SYNE1: variants seen among roughly 807,000 people sequenced by gnomAD.
SYNE1 encodes spectrin repeat containing nuclear envelope protein 1.
Under a neutral mutation model 1,111.0 loss-of-function variants are expected in SYNE1, and 616 were observed. The ratio of observed to expected loss-of-function variants is 0.55; its 90% CI spans 0.52 to 0.59. The LOEUF is 0.59. Ranked by LOEUF, SYNE1 falls within the 20% of genes least tolerant of loss-of-function variation. SYNE1 has a pLI of 0.00. For synonymous variants in SYNE1, 3,855 were observed against 3,825.8 expected (o/e 1.01, Z -0.28); for missense variants, 10,006 against 10,417.0 (o/e 0.96, Z 1.72).
intron 95 of SYNE1, among the ~76,000 whole-genome samples, chr6:152,286,566 T>G (rs541336698): frequency 6.6e-6 from 1 of 152,238 alleles, no homozygotes; most frequent in South Asian, 2.1e-4. Flanking sequence ...GTAATTTTAA[T>G]TTCCATTTCC....
chr6:152,373,862 T>C (rs2097231965), intron 58 of SYNE1, among the ~76,000 whole-genome samples: 1 of 152,120 alleles, frequency 6.6e-6, no homozygotes, highest in South Asian at 2.1e-4. Flanking sequence ...TAGTTCCATA[T>C]AGTTGGTGGA....
chr6:152,409,454 C>A, intron 43 of SYNE1, 105 bp downstream of exon 43: 1 of 1,458,208 alleles, frequency 6.9e-7, no homozygotes, highest in South Asian at 1.2e-5. Flanking sequence ...GCATGAATTA[C>A]CCACATCTAA....
At chr6:152,171,078 G>A (rs1372196602) in intron 130 of SYNE1, among the ~76,000 whole-genome samples, 2 of 152,212 alleles carry the variant, frequency 1.3e-5, no homozygotes, top group East Asian at 3.8e-4. Context: ...GTGGAACTGT[G>A]AGTCCATTAA....
chr6:152,436,100 TC>T lies in SYNE1; in HGVS notation c.4150del (p.Glu1384SerfsTer17). The T allele has an allele frequency of 1.9e-6, 3 of 1,613,466 alleles. No individual in the cohort carries two copies. Among genetic ancestry groups the T allele is most frequent in the Non-Finnish European group, 1.7e-6 (2 of 1,179,872 alleles). ...SLSSELEQTK[E>X]FSKRTESIAV... ...AATACTTTCTGTCCGTTTAGAAAACTCCTAGAAAAAATATTATGATCATTAG... is the reference window on the plus strand; with the variant it reads ...AATACTTTCTGTCCGTTTAGAAAACTCTAGAAAAAATATTATGATCATTAG... On this transcript the variant is annotated frameshift_variant and splice_region_variant, in exon 33 of 146. Coordinates refer to ENST00000367255, the MANE Select transcript of SYNE1 (RefSeq NM_182961.4). LOFTEE classifies it high-confidence loss of function.
intron 3 of SYNE1, among the ~76,000 whole-genome samples, chr6:152,604,986 AAGAAAGAAAGAAAGAAAGAAAG>A (rs1258258163): frequency 0.016 from 433 of 26,682 alleles, 1 homozygote; most frequent in African/African-American, 0.039. Context: ...GAAAGAAAGA[AAGAAAGAAAGAAAGAAAGAAAG>A]AGAGAGAGAG....
intron 4 of SYNE1, 66 bp from the exon 5 acceptor site, chr6:152,526,241 T>C: frequency 6.7e-7 from 1 of 1,500,704 alleles, no homozygotes; most frequent in African/African-American, 1.4e-5. Context: ...TCTTTCTCTC[T>C]CTCACCTTTG....
intron 11 of SYNE1, among the ~76,000 whole-genome samples, chr6:152,491,337 C>T (rs541287220): frequency 7.8e-4 from 118 of 152,252 alleles, no homozygotes; most frequent in African/African-American, 2.5e-3. Flanking sequence ...ATTGTGGAGA[C>T]GCCTGCTTTG....
At chr6:152,463,655 A>G in intron 18 of SYNE1, 138 bp from the exon 19 acceptor site, 4 of 812,772 alleles carry the variant, frequency 4.9e-6, no homozygotes, top group South Asian at 3.1e-5. Flanking sequence ...TCTCTTTAAA[A>G]TGCACATTTT....
chr6:152,376,783 A>G lies in SYNE1; in HGVS notation c.9139T>C (p.Tyr3047His). 6.2e-7 allele frequency: 1 copy of G among 1,613,824 alleles called. No homozygotes were observed. Residue 3047 changes from tyrosine (Y) to histidine (H), a missense_variant, in exon 57 of 146, where the codon TAT (tyrosine) becomes CAT (histidine). Physicochemically the swap from Tyr to His is moderately conservative, Grantham distance 83. Transcript: ENST00000367255. The part of the protein sequence containing the change: ...SGKVSGLIKE[Y>H]NCLCLQASKG... ...AATAAGGTTCATGCTCACCAATTATACTCTTTAATCAAGCCAGAAACTTTT... is the reference window on the plus strand; with the variant it reads ...AATAAGGTTCATGCTCACCAATTATGCTCTTTAATCAAGCCAGAAACTTTT...
Position 152,132,138 on chromosome 6 carries a change from G to T in SYNE1, c.26078C>A (p.Pro8693Gln), listed in dbSNP as rs147829200. The change falls in exon 144 of 146, where the codon CCA becomes CAA. Residue 8693 changes from proline (P) to glutamine (Q), a missense_variant. Pro to Gln is a moderately conservative substitution (Grantham distance 76). Coordinates refer to ENST00000367255, the MANE Select transcript of SYNE1 (RefSeq NM_182961.4). Reference sequence around the variant, plus strand: ...GAAAGTTACCGTTTTCTGTCTGTTTGGGGTGCTCCTTCCTGATGTGGGACT... The same window carrying T: ...GAAAGTTACCGTTTTCTGTCTGTTTTGGGTGCTCCTTCCTGATGTGGGACT... ...SVSPTSGRST[P>Q]NRQKTPRGKC... 1.4e-5 allele frequency: 22 copies of T among 1,613,936 alleles called. No homozygotes were observed. The highest frequency in any genetic ancestry group is 1.8e-5 in the Non-Finnish European group (21 of 1,179,970).
At chr6:152,289,728 G>A (rs749008757) in intron 95 of SYNE1, among the ~76,000 whole-genome samples, 1 of 152,152 alleles carries the variant, frequency 6.6e-6, no homozygotes, top group Non-Finnish European at 1.5e-5. Context: ...CCAGGTTCAC[G>A]TCATTCTCCT....
chr6:152,383,794 T>C (rs1591601396), intron 55 of SYNE1, among the ~76,000 whole-genome samples: 1 of 152,292 alleles, frequency 6.6e-6, no homozygotes, highest in East Asian at 1.9e-4. Context: ...TGAAATTCAG[T>C]CTTGAATTTA....
In SYNE1 at chr6:152,384,490, G is replaced by A. The variant is rs2097489096; in HGVS notation, c.8652+1184C>T. Among the ~76,000 whole-genome samples, 3 of 152,060 alleles carry A rather than the reference G, an allele frequency of 2.0e-5. No individual in the cohort carries two copies. In the South Asian group the frequency reaches 6.2e-4, roughly 32 times the overall value. ...TTTTAAAGAATAACACACAAAAAAA[G>A]GACTTAAAAAGTGGTTTTATGTGAT... On this transcript the variant is annotated intron_variant, in intron 55 of 145. Transcript: ENST00000367255.
At chr6:152,437,097 G>A (rs2098480818) in intron 32 of SYNE1, among the ~76,000 whole-genome samples, 1 of 152,054 alleles carries the variant, frequency 6.6e-6, no homozygotes, top group East Asian at 1.9e-4. Context: ...GCTGCAGTGA[G>A]CAGGCATAAT....
intron 16 of SYNE1, 99 bp downstream of exon 16, chr6:152,471,498 T>A: frequency 8.1e-7 from 1 of 1,227,662 alleles, no homozygotes; most frequent in East Asian, 2.3e-5. Context: ...TATCTTTATG[T>A]TTAAATTCAA....
chr6:152,429,434 A>T (rs781748686), intron 36 of SYNE1, among the ~76,000 whole-genome samples: 8 of 152,194 alleles, frequency 5.3e-5, no homozygotes, highest in Non-Finnish European at 1.0e-4. Flanking sequence ...TATTCTCATT[A>T]TCAATATTTA....
At position 152,215,064 on chromosome 6, in the gene SYNE1, G is replaced by C. The variant is rs1431600968; in HGVS notation, c.22192-4C>G. On this transcript the variant is annotated splice_region_variant and splice_polypyrimidine_tract_variant and intron_variant, in intron 121 of 145. Coordinates refer to ENST00000367255, the MANE Select transcript of SYNE1 (RefSeq NM_182961.4). Reference sequence around the variant, plus strand: ...TGCTGAATTTTAACATCTGTCCCTAGAAGGAAGATTTAAAAGTAGGTTTAG... The same window carrying C: ...TGCTGAATTTTAACATCTGTCCCTACAAGGAAGATTTAAAAGTAGGTTTAG... The C allele has an allele frequency of 3.7e-6, 6 of 1,613,954 alleles. No individual in the cohort carries two copies. The highest frequency in any genetic ancestry group is 5.1e-6 in the Non-Finnish European group (6 of 1,179,962).
chr6:152,372,912 T>C lies in SYNE1; in HGVS notation c.9507+125A>G, dbSNP rs182189536. ...TTACTGTTAGCCCATTGTCTTCTTA[T>C]GTTCTGAGAGGGGTAACCAAAATCA... On this transcript the variant is annotated intron_variant, in intron 59 of 145. Coordinates refer to ENST00000367255, the MANE Select transcript of SYNE1 (RefSeq NM_182961.4). 6.1e-4 allele frequency: 616 copies of C among 1,009,216 alleles called. 3 individuals carry two copies. The African/African-American group carries it at 8.1e-3, about 13-fold the overall frequency. The allele number at this position is 1,009,216 out of a possible 1,614,324, so 62.5% of individuals were successfully genotyped here.
chr6:152,262,102 C>T lies in SYNE1; in HGVS notation c.18902G>A (p.Ser6301Asn). The T allele has an allele frequency of 6.2e-7, 1 of 1,613,886 alleles. No homozygotes were observed. Among genetic ancestry groups the T allele is most frequent in the South Asian group, 1.1e-5 (1 of 91,086 alleles). The change falls in exon 101 of 146, where the codon AGC (serine) becomes AAC (asparagine). Residue 6301 changes from serine (S) to asparagine (N), a missense_variant. Coordinates refer to ENST00000367255, the MANE Select transcript of SYNE1 (RefSeq NM_182961.4). ...CTTGGTACTAAATTCTTGATGTAGGCTTTCCCATTTCATTCTCATCTGGTC... is the reference window on the plus strand; with the variant it reads ...CTTGGTACTAAATTCTTGATGTAGGTTTTCCCATTTCATTCTCATCTGGTC... ...AEDQMRMKWESLHQEFSTKQK... is the reference protein window; with the variant it reads ...AEDQMRMKWENLHQEFSTKQK...
Sources: gnomAD v4.1 joint callset for allele counts (sites outside exome capture counted in the v4.1 genomes callset) on GRCh38, gnomAD v4.1.1 for gene constraint, MANE v1.5 for transcripts, NCBI Gene and HGNC (gene_info 2026-07-23, HGNC 2026-07-21) for gene names.